AHI1: variants seen among roughly 807,000 people sequenced by gnomAD.
AHI1 encodes the protein Abelson helper integration site 1, also known as jouberin.
A neutral mutation model predicts 149.3 loss-of-function variants in AHI1; 123 were observed. The observed-to-expected ratio is 0.82, with a 90% CI of 0.71 to 0.96. The LOEUF is 0.96. Ranked by LOEUF, AHI1 falls within the 40% of genes least tolerant of loss-of-function variation. The pLI is 0.00. For synonymous variants in AHI1, 475 were observed against 459.8 expected (o/e 1.03, Z -0.42); for missense variants, 1,439 against 1,422.7 (o/e 1.01, Z -0.18).
At chr6:135,459,236 G>A (rs1789474903) in intron 8 of AHI1, among the ~76,000 whole-genome samples, 1 of 152,086 alleles carries the variant, frequency 6.6e-6, no homozygotes, top group African/African-American at 2.4e-5. Flanking sequence ...AACTAGAAAA[G>A]CATCTGCTGC....
chr6:135,481,048 G>A (rs1353449831), intron 5 of AHI1, among the ~76,000 whole-genome samples: 1 of 152,136 alleles, frequency 6.6e-6, no homozygotes, highest in Non-Finnish European at 1.5e-5. Context: ...GGTTGGGGAC[G>A]GCTGGATTAG....
intron 12 of AHI1, 150 bp downstream of exon 12, chr6:135,448,140 A>C: frequency 2.2e-6 from 1 of 454,266 alleles, no homozygotes; most frequent in Non-Finnish European, 3.6e-6. Flanking sequence ...CATCTTTTAA[A>C]TATCAGCTAT....
intron 16 of AHI1, among the ~76,000 whole-genome samples, chr6:135,432,247 C>T (rs1254875084): frequency 6.6e-6 from 1 of 152,060 alleles, no homozygotes; most frequent in African/African-American, 2.4e-5. Flanking sequence ...AGCCTACATG[C>T]CCAGTCTCTG....
intron 23 of AHI1, among the ~76,000 whole-genome samples, chr6:135,376,063 A>ATT (rs1243791468): frequency 3.3e-5 from 5 of 151,356 alleles, no homozygotes; most frequent in African/African-American, 1.2e-4. Context: ...AAAAAAACCC[A>ATT]TAGTACTCAT....
chr6:135,322,854 G>C (rs1447647796), intron 25 of AHI1, among the ~76,000 whole-genome samples: 1 of 152,212 alleles, frequency 6.6e-6, no homozygotes, highest in African/African-American at 2.4e-5. Flanking sequence ...GAGAAGAACT[G>C]ACAGAACTGT....
chr6:135,474,164 C>A (rs769333821), intron 5 of AHI1, among the ~76,000 whole-genome samples: 2 of 152,184 alleles, frequency 1.3e-5, no homozygotes, highest in African/African-American at 4.8e-5. Context: ...TTTCAACTTA[C>A]AATACTTTCC....
intron 27 of AHI1, among the ~76,000 whole-genome samples, chr6:135,290,901 G>GAAACGCACAC (rs1166951685): frequency 7.7e-6 from 1 of 130,678 alleles, no homozygotes; most frequent in African/African-American, 4.0e-5. Flanking sequence ...AACTTAGGTG[G>GAAACGCACAC]AAACACACAC....
intron 22 of AHI1, among the ~76,000 whole-genome samples, chr6:135,400,707 T>A (rs1268529184): frequency 6.6e-6 from 1 of 152,232 alleles, no homozygotes; most frequent in Non-Finnish European, 1.5e-5. Flanking sequence ...TAGCTACAGA[T>A]AAAAGGTTAA....
chr6:135,310,356 C>T (rs1054435142), intron 26 of AHI1, among the ~76,000 whole-genome samples: 1 of 152,164 alleles, frequency 6.6e-6, no homozygotes, highest in Admixed American at 6.5e-5. Context: ...TATTGCCTAC[C>T]ATTTTTCTGA....
At chr6:135,375,585 A>G (rs769381111) in intron 23 of AHI1, among the ~76,000 whole-genome samples, 67 of 152,240 alleles carry the variant, frequency 4.4e-4, no homozygotes, top group Non-Finnish European at 8.1e-4. Context: ...TGCAAAGTCA[A>G]AAGCCAAATG....
Position 135,400,637 on chromosome 6 carries a change from A to G in AHI1, c.2988+4314T>C, listed in dbSNP as rs147650551. Among the ~76,000 whole-genome samples, 28 of 152,334 alleles carry G rather than the reference A, an allele frequency of 1.8e-4. No homozygotes were observed. The East Asian group carries it at 5.2e-3, about 28-fold the overall frequency. On this transcript the variant is annotated intron_variant, in intron 22 of 28. Transcript: ENST00000265602. Reference sequence around the variant, plus strand: ...TTTATAATCTAATGTCAAAAAGAAAAAAATTAAGCTGAAAGCTAAGTCATT... The same window carrying G: ...TTTATAATCTAATGTCAAAAAGAAAGAAATTAAGCTGAAAGCTAAGTCATT...
intron 20 of AHI1, among the ~76,000 whole-genome samples, chr6:135,416,849 C>A (rs1372945072): frequency 6.6e-6 from 1 of 152,000 alleles, no homozygotes; most frequent in Non-Finnish European, 1.5e-5. Context: ...AGGGAGAGGA[C>A]CTGCTTACAC....
chr6:135,414,375 G>A (rs1192555281), intron 20 of AHI1, among the ~76,000 whole-genome samples: 1 of 152,196 alleles, frequency 6.6e-6, no homozygotes, highest in East Asian at 1.9e-4. Context: ...ACCTTTGTGA[G>A]CTTGGGTTAG....
At chr6:135,362,799 T>C (rs1480012955) in intron 23 of AHI1, among the ~76,000 whole-genome samples, 1 of 152,178 alleles carries the variant, frequency 6.6e-6, no homozygotes, top group African/African-American at 2.4e-5. Flanking sequence ...GAGAAGATTT[T>C]CTCCCACTCT....
chr6:135,412,132 C>T (rs1781688719), intron 20 of AHI1, among the ~76,000 whole-genome samples: 2 of 151,642 alleles, frequency 1.3e-5, no homozygotes, highest in Non-Finnish European at 2.9e-5. Flanking sequence ...CTGTGGCTTC[C>T]CTATCCATGA....
chr6:135,416,411 A>G (rs1045006754), intron 20 of AHI1, among the ~76,000 whole-genome samples: 4 of 151,918 alleles, frequency 2.6e-5, no homozygotes, highest in African/African-American at 9.7e-5. Flanking sequence ...ACCTCAAGAC[A>G]TTATTTCCTG....
intron 27 of AHI1, among the ~76,000 whole-genome samples, chr6:135,298,343 CAAAAA>C (rs1175749260): frequency 7.6e-6 from 1 of 131,160 alleles, no homozygotes; most frequent in African/African-American, 2.9e-5. Flanking sequence ...AAAAAAAAAA[CAAAAA>C]AACAAGACAA....
At chr6:135,477,335 C>T (rs1374652514) in intron 5 of AHI1, among the ~76,000 whole-genome samples, 1 of 152,178 alleles carries the variant, frequency 6.6e-6, no homozygotes, top group Non-Finnish European at 1.5e-5. Flanking sequence ...CCACCATGCC[C>T]GGCCCTCTCT....
chr6:135,479,891 C>T (rs890905379), intron 5 of AHI1, among the ~76,000 whole-genome samples: 1 of 152,074 alleles, frequency 6.6e-6, no homozygotes. Context: ...CATGAGTTCT[C>T]CTGAGATCCT....
Sources: gnomAD v4.1 joint callset for allele counts (sites outside exome capture counted in the v4.1 genomes callset) on GRCh38, gnomAD v4.1.1 for gene constraint, MANE v1.5 for transcripts, NCBI Gene and HGNC (gene_info 2026-07-23, HGNC 2026-07-21) for gene names.